The following HIPK2 variants were observed in gnomAD, a reference collection of about 807,000 sequenced individuals.
The protein encoded by HIPK2 is homeodomain-interacting protein kinase 2.
In HIPK2, 27 loss-of-function variants were observed where a neutral mutation model predicts 113.7. That is an observed-to-expected ratio of 0.24 (90% confidence interval 0.17 to 0.33). The LOEUF (loss-of-function observed/expected upper bound fraction) is 0.33. Among genes scored for constraint, HIPK2 ranks in the 10% least tolerant of loss-of-function variants. The probability of loss-of-function intolerance (pLI) is 1.00; values close to 1 mark genes in which losing one functional copy is unlikely to be tolerated. For missense variants in HIPK2, 1,257 were observed against 1,588.0 expected, an observed-to-expected ratio of 0.79 and a Z score of 3.54; for synonymous variants, 631 against 642.2, an observed-to-expected ratio of 0.98 and a Z score of 0.26.
chr7:139,608,636 T>C (rs989073552), intron 9 of HIPK2, among the ~76,000 whole-genome samples: 1 of 152,032 alleles, frequency 6.6e-6, no homozygotes, highest in East Asian at 1.9e-4. Flanking sequence ...AATATACACC[T>C]CTCCTTGTGT....
chr7:139,651,055 T>C (rs1012415606), intron 2 of HIPK2, among the ~76,000 whole-genome samples: 6 of 152,222 alleles, frequency 3.9e-5, no homozygotes, highest in African/African-American at 1.4e-4. Context: ...AGATACTGAT[T>C]GGGCGTCTCT....
intron 2 of HIPK2, among the ~76,000 whole-genome samples, chr7:139,676,866 C>CT (rs11307517): frequency 0.042 from 6,150 of 145,264 alleles, 418 homozygotes; most frequent in African/African-American, 0.14. Context: ...TTTTCTTTTT[C>CT]TTTTTTTTTT....
chr7:139,650,274 CA>C (rs1347588039), intron 2 of HIPK2, among the ~76,000 whole-genome samples: 1 of 149,106 alleles, frequency 6.7e-6, no homozygotes, highest in Admixed American at 6.7e-5. Flanking sequence ...CGCTTGAACC[CA>C]GGAGGCAGAG....
chr7:139,615,804 C>G (rs1800019631), intron 7 of HIPK2, among the ~76,000 whole-genome samples: 1 of 152,178 alleles, frequency 6.6e-6, no homozygotes, highest in East Asian at 1.9e-4. Flanking sequence ...AATTTCATTG[C>G]AAAGCAAATT....
chr7:139,603,371 G>T (rs1799505674), intron 10 of HIPK2, among the ~76,000 whole-genome samples: 1 of 152,106 alleles, frequency 6.6e-6, no homozygotes, highest in African/African-American at 2.4e-5. Flanking sequence ...TCGGGGGAAG[G>T]TACAAGGGTA....
intron 2 of HIPK2, among the ~76,000 whole-genome samples, chr7:139,644,149 C>CAG (rs1216565412): frequency 6.6e-6 from 1 of 152,162 alleles, no homozygotes; most frequent in Non-Finnish European, 1.5e-5. Flanking sequence ...CTGCTCCAGG[C>CAG]TCTTTTTAAA....
chr7:139,585,506 G>A (rs1402480303), intron 12 of HIPK2, among the ~76,000 whole-genome samples: 2 of 152,214 alleles, frequency 1.3e-5, no homozygotes, highest in African/African-American at 4.8e-5. Flanking sequence ...AACCGTGTTC[G>A]TGGGTGAGAA....
intron 2 of HIPK2, among the ~76,000 whole-genome samples, chr7:139,681,510 C>T (rs1802698757): frequency 6.6e-6 from 1 of 152,186 alleles, no homozygotes; most frequent in Non-Finnish European, 1.5e-5. Flanking sequence ...ATAATCAGCG[C>T]CAGTGCTGCA....
intron 2 of HIPK2, among the ~76,000 whole-genome samples, chr7:139,710,464 G>C (rs558717344): frequency 6.6e-6 from 1 of 152,198 alleles, no homozygotes; most frequent in African/African-American, 2.4e-5. Context: ...TCTGGCAGAA[G>C]GTAGGTTCAC....
intron 2 of HIPK2, among the ~76,000 whole-genome samples, chr7:139,655,058 A>C (rs1238339418): frequency 6.6e-6 from 1 of 152,166 alleles, no homozygotes; most frequent in African/African-American, 2.4e-5. Context: ...ATTCACATGA[A>C]GGGCTGCTCT....
chr7:139,645,132 C>G (rs1801162515), intron 2 of HIPK2, among the ~76,000 whole-genome samples: 1 of 152,254 alleles, frequency 6.6e-6, no homozygotes, highest in Non-Finnish European at 1.5e-5. Context: ...AGTGCCTCCA[C>G]TGGAGAAGCC....
intron 6 of HIPK2, among the ~76,000 whole-genome samples, chr7:139,624,641 C>T (rs191463562): frequency 4.9e-4 from 75 of 152,258 alleles, no homozygotes; most frequent in African/African-American, 1.7e-3. Flanking sequence ...CTGCATTGAC[C>T]AGAACACCAC....
intron 1 of HIPK2, among the ~76,000 whole-genome samples, chr7:139,757,571 T>G (rs1254533758): frequency 6.6e-6 from 1 of 152,118 alleles, no homozygotes; most frequent in Non-Finnish European, 1.5e-5. Context: ...TGCGACAACA[T>G]GGATGAACCT....
Position 139,600,407 on chromosome 7 carries a change from C to T in HIPK2, c.2435+10G>A. On this transcript the variant is annotated intron_variant, in intron 11 of 14. Transcript: ENST00000406875. Reference sequence around the variant, plus strand: ...GATTTCTCTTCCCTAGGGTGGCTCTCACCACCTACCTCACAGATGACTGGT... The same window carrying T: ...GATTTCTCTTCCCTAGGGTGGCTCTTACCACCTACCTCACAGATGACTGGT... 1 of 1,611,098 alleles carries T rather than the reference C, an allele frequency of 6.2e-7. No individual in the cohort carries two copies.
intron 1 of HIPK2, among the ~76,000 whole-genome samples, chr7:139,753,223 G>A (rs749604757): frequency 1.3e-5 from 2 of 152,176 alleles, no homozygotes; most frequent in Non-Finnish European, 2.9e-5. Flanking sequence ...CAGAACAGAG[G>A]GCAGCTGCAT....
intron 2 of HIPK2, among the ~76,000 whole-genome samples, chr7:139,674,553 T>G (rs1056238446): frequency 3.6e-5 from 3 of 83,726 alleles, no homozygotes; most frequent in Non-Finnish European, 8.3e-5. Flanking sequence ...GCAGACAGGC[T>G]ACGTGGGAAA....
chr7:139,707,460 G>A lies in HIPK2; in HGVS notation c.1103+8472C>T, dbSNP rs143810143. ...ACGCAGCGACCTGCTCTCACAGGGC[G>A]GCATCGAGGACTCAGAACATGCTAG... is the stretch of plus-strand genomic sequence containing the variant. On this transcript the variant is annotated intron_variant, in intron 2 of 14. Coordinates refer to ENST00000406875, the MANE Select transcript of HIPK2 (RefSeq NM_022740.5). Among the ~76,000 whole-genome samples the A allele has an allele frequency of 3.4e-3, 513 of 152,348 alleles. 4 individuals are homozygous for A. Among genetic ancestry groups the A allele is most frequent in the Non-Finnish European group, 5.2e-3 (354 of 68,038 alleles).
At chr7:139,629,438 T>C (rs1325384309) in intron 4 of HIPK2, among the ~76,000 whole-genome samples, 6 of 152,260 alleles carry the variant, frequency 3.9e-5, no homozygotes, top group Non-Finnish European at 8.8e-5. Context: ...ACATAGCTCT[T>C]GCTACGTGCC....
intron 14 of HIPK2, among the ~76,000 whole-genome samples, chr7:139,574,375 T>TA (rs879466569): frequency 3.3e-4 from 48 of 145,946 alleles, no homozygotes; most frequent in Non-Finnish European, 4.4e-4. Flanking sequence ...GACCCTGTCT[T>TA]AAAAAAAAAA....
Sources: gnomAD v4.1 joint callset for allele counts (sites outside exome capture counted in the v4.1 genomes callset) on GRCh38, gnomAD v4.1.1 for gene constraint, MANE v1.5 for transcripts, NCBI Gene and HGNC (gene_info 2026-07-23, HGNC 2026-07-21) for gene names.